The following GDA variants were observed in gnomAD, a reference collection of about 807,000 sequenced individuals.
GDA encodes the protein guanine deaminase.
A neutral mutation model predicts 59.6 loss-of-function variants in GDA; 18 were observed. The observed-to-expected ratio is 0.30, with a 90% confidence interval of 0.21 to 0.45. GDA has a LOEUF of 0.45. Among genes scored for constraint, GDA ranks in the 20% least tolerant of loss-of-function variants. The pLI, the probability that GDA is intolerant of heterozygous loss-of-function variation, is 1.00. For missense variants in GDA, 427 were observed against 552.3 expected (o/e 0.77, Z 2.27); for synonymous variants, 201 against 201.1 (o/e 1.00, Z 0.00).
At chr9:72,238,972 C>A (rs777170792) in intron 10 of GDA, among the ~76,000 whole-genome samples, 2 of 152,158 alleles carry the variant, frequency 1.3e-5, no homozygotes, top group Non-Finnish European at 2.9e-5. Context: ...GTTCCATGCG[C>A]ACAGTTTAAA....
chr9:72,257,048 T>C (rs1318379796), downstream of GDA: 1 of 152,224 alleles, frequency 6.6e-6, no homozygotes, highest in Non-Finnish European at 1.5e-5. Context: ...TCTAAAGTGC[T>C]AGGATTACAG....
At chr9:72,130,868 A>G (rs1331032756) in intron 1 of GDA, among the ~76,000 whole-genome samples, 1 of 152,118 alleles carries the variant, frequency 6.6e-6, no homozygotes, top group African/African-American at 2.4e-5. Context: ...GGGGTTTCCA[A>G]TTTTTTCATC....
chr9:72,155,098 A>G (rs74383276), intron 1 of GDA, among the ~76,000 whole-genome samples: 4,829 of 152,248 alleles, frequency 0.032, 276 homozygotes, highest in African/African-American at 0.11. Flanking sequence ...ATATTAGTCA[A>G]TTTTCACATT....
At position 72,117,305 on chromosome 9, in the gene GDA, A is replaced by T. The variant is rs563052108; in HGVS notation, c.-100+2472A>T. On this transcript the variant is annotated intron_variant, in intron 1 of 13. Transcript: ENST00000545168. Reference sequence around the variant, plus strand: ...AAATAAGACAGAATATTAAGGTTTTAAAAAAGGTTTAATTAATTCAACCTT... The same window carrying T: ...AAATAAGACAGAATATTAAGGTTTTTAAAAAGGTTTAATTAATTCAACCTT... 3.3e-5 allele frequency among the ~76,000 whole-genome samples: 5 copies of T among 152,284 alleles called. No homozygotes were observed. The East Asian group carries it at 5.8e-4, about 18-fold the overall frequency.
At chr9:72,157,319 G>T (rs73482186) in intron 1 of GDA, among the ~76,000 whole-genome samples, 1 of 152,134 alleles carries the variant, frequency 6.6e-6, no homozygotes, top group African/African-American at 2.4e-5. Context: ...GGGATTACAG[G>T]CGTGAGCCAC....
chr9:72,157,100 C>T (rs1257103827), intron 1 of GDA, among the ~76,000 whole-genome samples: 3 of 132,776 alleles, frequency 2.3e-5, no homozygotes, highest in East Asian at 2.4e-4. Context: ...GGTGCAGTGG[C>T]GCGATCTTAG....
chr9:72,236,401 C>G (rs1228683350), intron 10 of GDA, among the ~76,000 whole-genome samples: 3 of 152,152 alleles, frequency 2.0e-5, no homozygotes, highest in Non-Finnish European at 2.9e-5. Context: ...TCTTCTTAAA[C>G]TTTCTACCCC....
At chr9:72,197,485 G>A (rs1833332693) in intron 2 of GDA, 1 of 152,158 alleles carries the variant, frequency 6.6e-6, no homozygotes, top group African/African-American at 2.4e-5. Context: ...CTTGGAAGCA[G>A]TTGAAGTAGA....
chr9:72,136,273 G>T (rs924695065), intron 1 of GDA, among the ~76,000 whole-genome samples: 1 of 152,090 alleles, frequency 6.6e-6, no homozygotes, highest in Admixed American at 6.6e-5. Flanking sequence ...AATTAACAAG[G>T]CTACAGAAAT....
In GDA at chr9:72,210,718, C is replaced by T; in HGVS notation, c.416C>T (p.Ala139Val). 1 of 1,608,810 alleles carries T rather than the reference C, an allele frequency of 6.2e-7. No homozygotes were observed. Among genetic ancestry groups the T allele is most frequent in the South Asian group, 1.1e-5 (1 of 90,962 alleles). The part of the protein sequence containing the change: ...RRTLKNGTTT[A>V]CYFATIHTDS... ...ACACTAAAGAATGGAACAACCACAGCTTGTTACTTTGCAACAATTCACACT... is the reference window on the plus strand; with the variant it reads ...ACACTAAAGAATGGAACAACCACAGTTTGTTACTTTGCAACAATTCACACT... The change falls in exon 4 of 14, where the codon GCT becomes GTT. Residue 139 changes from alanine (A) to valine (V), a missense_variant. Transcript: ENST00000358399.
intron 1 of GDA, among the ~76,000 whole-genome samples, chr9:72,119,645 ATTC>A (rs796450361): frequency 1.6e-4 from 25 of 152,334 alleles, no homozygotes; most frequent in African/African-American, 5.5e-4. Flanking sequence ...ATGTTTTTCT[ATTC>A]TTAACGTGTT....
intron 1 of GDA, among the ~76,000 whole-genome samples, chr9:72,171,151 A>T (rs1048907661): frequency 6.6e-6 from 1 of 152,080 alleles, no homozygotes; most frequent in African/African-American, 2.4e-5. Flanking sequence ...CTTATAGTTC[A>T]TATATACTTT....
At chr9:72,245,976 C>T (rs1032312742) in intron 12 of GDA, among the ~76,000 whole-genome samples, 5 of 151,710 alleles carry the variant, frequency 3.3e-5, no homozygotes, top group Admixed American at 6.6e-5. Context: ...AGAGTAATTG[C>T]GATAATAAAT....
At chr9:72,257,269 G>A (rs1030313498), downstream of GDA, 2 of 152,286 alleles carry the variant, frequency 1.3e-5, no homozygotes, top group African/African-American at 4.8e-5. Flanking sequence ...CAGGGCTGCC[G>A]TGGCTCCTGC....
In GDA at chr9:72,250,749, G is replaced by A; in HGVS notation, c.*2407G>A. 6.2e-7 allele frequency: 1 copy of A among 1,611,926 alleles called. No homozygotes were observed. Among genetic ancestry groups the A allele is most frequent in the Non-Finnish European group, 8.5e-7 (1 of 1,179,266 alleles). On this transcript the variant is annotated 3_prime_UTR_variant, in exon 14 of 14. Transcript: ENST00000358399. Reference sequence around the variant, plus strand: ...TGTTTTAATATCTTGCTCTCTGACAGGAAAGAAACAATTCACTTACCAGCC... The same window carrying A: ...TGTTTTAATATCTTGCTCTCTGACAAGAAAGAAACAATTCACTTACCAGCC...
At chr9:72,242,898 T>C (rs1435117469) in intron 11 of GDA, among the ~76,000 whole-genome samples, 1 of 152,190 alleles carries the variant, frequency 6.6e-6, no homozygotes, top group African/African-American at 2.4e-5. Context: ...TAGGGCTCTC[T>C]GTAAGTTACT....
At chr9:72,142,842 C>G (rs1391856942) in intron 1 of GDA, among the ~76,000 whole-genome samples, 2 of 151,616 alleles carry the variant, frequency 1.3e-5, no homozygotes, top group Non-Finnish European at 2.9e-5. Flanking sequence ...GATCTTGGCT[C>G]ACTGCAACCT....
At chr9:72,123,662 T>C (rs1403604755) in intron 1 of GDA, among the ~76,000 whole-genome samples, 2 of 151,880 alleles carry the variant, frequency 1.3e-5, no homozygotes, top group Non-Finnish European at 2.9e-5. Context: ...TAATTTTGTA[T>C]TTTTAGTAGA....
At chr9:72,145,321 G>T (rs1306691340), upstream of GDA, among the ~76,000 whole-genome samples, 1 of 152,200 alleles carries the variant, frequency 6.6e-6, no homozygotes, top group Non-Finnish European at 1.5e-5. Flanking sequence ...ATTCCTGGGA[G>T]TTTACTGTGA....
Sources: gnomAD v4.1 joint callset for allele counts (sites outside exome capture counted in the v4.1 genomes callset) on GRCh38, gnomAD v4.1.1 for gene constraint, MANE v1.5 for transcripts, NCBI Gene and HGNC (gene_info 2026-07-23, HGNC 2026-07-21) for gene names.